NUFIP2: variants seen among roughly 807,000 people sequenced by gnomAD.
The protein encoded by NUFIP2 is nuclear FMR1 interacting protein 2.
In NUFIP2, 6 loss-of-function variants were observed where a neutral mutation model predicts 56.9. The observed-to-expected ratio is 0.11, with a 90% CI of 0.06 to 0.21. The LOEUF is 0.21. Among genes scored for constraint, NUFIP2 ranks in the 10% least tolerant of loss-of-function variants. NUFIP2 has a pLI of 1.00. For synonymous variants in NUFIP2, 321 were observed against 298.2 expected (o/e 1.08, Z -0.79); for missense variants, 828 against 826.8 (o/e 1.00, Z -0.02).
In NUFIP2 at chr17:29,259,857, T is replaced by C. The variant is rs1167193769; in HGVS notation, c.*4682A>G. The C allele has an allele frequency of 6.6e-6, 1 of 152,186 alleles. No homozygotes were observed. The allele number at this position is 152,186 out of a possible 1,614,324, so 9.4% of individuals were successfully genotyped here. On this transcript the variant is annotated 3_prime_UTR_variant, in exon 4 of 4. Transcript: ENST00000225388. ...CATCCTTTAACTACTTTAAGACCTT[T>C]CTTGAGCGGCAAAACAGTGTGAAAT...
intron 2 of NUFIP2, among the ~76,000 whole-genome samples, chr17:29,273,368 C>T (rs934024926): frequency 1.3e-5 from 2 of 151,778 alleles, no homozygotes; most frequent in East Asian, 1.9e-4. Flanking sequence ...AGACAGGTTC[C>T]GCCATGTTGG....
intron 2 of NUFIP2, among the ~76,000 whole-genome samples, chr17:29,273,293 C>CT (rs2069087408): frequency 6.6e-6 from 1 of 152,218 alleles, no homozygotes; most frequent in South Asian, 2.1e-4. Flanking sequence ...CCGCCTCGGC[C>CT]TCCCAAAGTG....
intron 1 of NUFIP2, among the ~76,000 whole-genome samples, chr17:29,288,155 T>C (rs1306523211): frequency 2.0e-5 from 3 of 152,266 alleles, no homozygotes; most frequent in African/African-American, 7.2e-5. Context: ...GCCATTCTCC[T>C]GCCTCAGCCT....
At chr17:29,282,218 G>GCCATGC (rs2069144638) in intron 2 of NUFIP2, among the ~76,000 whole-genome samples, 1 of 151,968 alleles carries the variant, frequency 6.6e-6, no homozygotes, top group Admixed American at 6.6e-5. Context: ...AGAAGCTGCC[G>GCCATGC]CCATGCACTT....
At chr17:29,269,476 T>C (rs887727081) in intron 2 of NUFIP2, among the ~76,000 whole-genome samples, 4 of 151,996 alleles carry the variant, frequency 2.6e-5, no homozygotes, top group Admixed American at 2.6e-4. Context: ...CCTACTCCCC[T>C]AGCAAAAATT....
In NUFIP2 at chr17:29,287,662, A is replaced by G; in HGVS notation, c.332T>C (p.Leu111Pro). 3 of 1,613,480 alleles carry G rather than the reference A, an allele frequency of 1.9e-6. No individual in the cohort carries two copies. Among genetic ancestry groups the G allele is most frequent in the Non-Finnish European group, 2.5e-6 (3 of 1,179,874 alleles). The change falls in exon 2 of 4, where the codon CTG (leucine) becomes CCG (proline). Residue 111 changes from leucine to proline, a missense_variant. This residue lies in a region of NUFIP2 where 415 missense variants were observed against 408.7 expected (regional missense o/e 1.02). Coordinates refer to ENST00000225388, the MANE Select transcript of NUFIP2 (RefSeq NM_020772.3). Reference protein sequence around the residue: ...AGEREISLKNLSSDEATNPIS... With the variant: ...AGEREISLKNPSSDEATNPIS... The stretch of plus-strand genomic sequence containing the variant: ...AGGGTTGGTGGCTTCATCAGAACTC[A>G]GGTTCTTTAAAGATATTTCTCTTTC...
rs1413919300 is a variant in NUFIP2, at chr17:29,256,659, C to T, written c.*7880G>A. 6.7e-6 allele frequency: 1 copy of T among 150,364 alleles called. No homozygotes were observed. The highest frequency in any genetic ancestry group is 2.4e-5 in the African/African-American group (1 of 40,848). 9.3% of individuals were successfully genotyped at this position (150,364 alleles called of 1,614,324 possible). ...TAGCCTCTCCTACAAAGGTCCTGAA[C>T]CAATTAAAAAAAAAAAAACTTTAAA... On this transcript the variant is annotated 3_prime_UTR_variant, in exon 4 of 4. Transcript: ENST00000225388.
intron 1 of NUFIP2, among the ~76,000 whole-genome samples, chr17:29,292,891 G>T (rs1342315231): frequency 1.4e-5 from 2 of 146,524 alleles, no homozygotes; most frequent in African/African-American, 4.9e-5. Context: ...CGGGGGGGGG[G>T]GCGGCCGCGG....
At position 29,293,930 on chromosome 17, in the gene NUFIP2, T is replaced by C; in HGVS notation, c.130A>G (p.Asn44Asp). The part of the protein sequence containing the change: ...HHYYFYNHSH[N>D]HHHHHHHQQP... The stretch of plus-strand genomic sequence containing the variant: ...TGGTGATGATGGTGGTGGTGGTGGT[T>C]GTGGCTGTGGTTGTAGAAATAATAA... Residue 44 changes from asparagine (N) to aspartate (D), a missense_variant, in exon 1 of 4, where the codon AAC becomes GAC. Asn to Asp is a conservative substitution (Grantham distance 23, BLOSUM62 1). Transcript: ENST00000225388. 1 of 1,613,242 alleles carries C rather than the reference T, an allele frequency of 6.2e-7. No individual in the cohort carries two copies.
At chr17:29,293,200 G>C (rs2069229221) in intron 1 of NUFIP2, among the ~76,000 whole-genome samples, 1 of 151,620 alleles carries the variant, frequency 6.6e-6, no homozygotes, top group Non-Finnish European at 1.5e-5. Context: ...GCGTTTAGTG[G>C]TGGAAATGAC....
chr17:29,278,105 C>A lies in NUFIP2; in HGVS notation c.2002+7887G>T, dbSNP rs556372222. Among the ~76,000 whole-genome samples the A allele has an allele frequency of 2.8e-3, 430 of 152,224 alleles. 3 individuals carry two copies. Among genetic ancestry groups the A allele is most frequent in the Middle Eastern group, 6.8e-3 (2 of 294 alleles). ...TAGAAGTCACCACCTTTTCAGTAGA[C>A]CCCTTAATGAACTCTTTTCTGAAGC... On this transcript the variant is annotated intron_variant, in intron 2 of 3. Coordinates refer to ENST00000225388, the MANE Select transcript of NUFIP2 (RefSeq NM_020772.3).
In NUFIP2 at chr17:29,261,801, GAC is replaced by G. The variant is rs2069004623; in HGVS notation, c.*2736_*2737del. ...ATTAACCTAATGCCCCCAAAATACT[GAC>G]AGTTAATATGATGGGGCACTAGGGT... On this transcript the variant is annotated 3_prime_UTR_variant, in exon 4 of 4. Coordinates refer to ENST00000225388, the MANE Select transcript of NUFIP2 (RefSeq NM_020772.3). 1.3e-5 allele frequency: 2 copies of G among 152,636 alleles called. No individual in the cohort carries two copies. The highest frequency in any genetic ancestry group is 4.8e-5 in the African/African-American group (2 of 41,522). The allele number at this position is 152,636 out of a possible 1,614,324, so 9.5% of individuals were successfully genotyped here.
rs1251173493 is a variant in NUFIP2, at chr17:29,263,472, A to C, written c.*1067T>G. The C allele has an allele frequency of 6.6e-6, 1 of 152,638 alleles. No individual in the cohort carries two copies. The highest frequency in any genetic ancestry group is 1.9e-4 in the East Asian group (1 of 5,204). 9.5% of individuals were successfully genotyped at this position (152,638 alleles called of 1,614,324 possible). ...ATCTTCTCACTGGCTAAAAACATGAAAAGTTTTAGTTTTCATGGACTTTTT... is the reference window on the plus strand; with the variant it reads ...ATCTTCTCACTGGCTAAAAACATGACAAGTTTTAGTTTTCATGGACTTTTT... On this transcript the variant is annotated 3_prime_UTR_variant, in exon 4 of 4. Coordinates refer to ENST00000225388, the MANE Select transcript of NUFIP2 (RefSeq NM_020772.3).
chr17:29,273,942 G>GA (rs200704210), intron 2 of NUFIP2, among the ~76,000 whole-genome samples: 45 of 148,766 alleles, frequency 3.0e-4, no homozygotes, highest in African/African-American at 5.2e-4. Context: ...CAAGTTGATT[G>GA]AAAAAAAAAT....
rs1305867687 is a variant in NUFIP2 at position 29,260,934 on chromosome 17, G to A, written c.*3605C>T. On this transcript the variant is annotated 3_prime_UTR_variant, in exon 4 of 4. Transcript: ENST00000225388. ...ATTGGCTATCCCCTCCTAGAAAGTA[G>A]AGGAGGAAGGGCTGGCTACCACAGA... The A allele has an allele frequency of 1.3e-5, 2 of 152,120 alleles. No individual in the cohort carries two copies. The highest frequency in any genetic ancestry group is 2.9e-5 in the Non-Finnish European group (2 of 68,008). 9.4% of individuals were successfully genotyped at this position (152,120 alleles called of 1,614,324 possible).
In NUFIP2 at chr17:29,261,302, G is replaced by A. The variant is rs907316686; in HGVS notation, c.*3237C>T. On this transcript the variant is annotated 3_prime_UTR_variant, in exon 4 of 4. Coordinates refer to ENST00000225388, the MANE Select transcript of NUFIP2 (RefSeq NM_020772.3). ...TTTTTTCTGTGTAATGAAAACAAAT[G>A]GCACAAAATAAATACAAGTTCATTC... 1.3e-5 allele frequency: 2 copies of A among 151,888 alleles called. No homozygotes were observed. Among genetic ancestry groups the A allele is most frequent in the African/African-American group, 4.8e-5 (2 of 41,374 alleles). The allele number at this position is 151,888 out of a possible 1,614,324, so 9.4% of individuals were successfully genotyped here. A position where few individuals can be genotyped will look rare whatever the true frequency, so the allele number is the denominator to read the frequency against.
At position 29,264,390 on chromosome 17, in the gene NUFIP2, T is replaced by C. The variant is rs2069021814; in HGVS notation, c.*149A>G. 3 of 230,732 alleles carry C rather than the reference T, an allele frequency of 1.3e-5. No homozygotes were observed. In the South Asian group the frequency reaches 4.3e-4, roughly 33 times the overall value. The allele number at this position is 230,732 out of a possible 1,614,324, so 14.3% of individuals were successfully genotyped here. On this transcript the variant is annotated 3_prime_UTR_variant, in exon 4 of 4. Coordinates refer to ENST00000225388, the MANE Select transcript of NUFIP2 (RefSeq NM_020772.3). ...TTTTAAATAACTATATATATATATA[T>C]GTATATATATATATTTGTATATATT...
chr17:29,277,618 T>C lies in NUFIP2; in HGVS notation c.2002+8374A>G, dbSNP rs116355478. On this transcript the variant is annotated intron_variant, in intron 2 of 3. Transcript: ENST00000225388. ...TGTTTTGCTATTCTGATTTCCTTTTTCTTAACCAGTCTGCCATACTTGTGC... is the reference window on the plus strand; with the variant it reads ...TGTTTTGCTATTCTGATTTCCTTTTCCTTAACCAGTCTGCCATACTTGTGC... Among the ~76,000 whole-genome samples, 864 of 152,334 alleles carry C rather than the reference T, an allele frequency of 5.7e-3. 5 individuals are homozygous for C. Among genetic ancestry groups the C allele is most frequent in the African/African-American group, 0.02 (824 of 41,586 alleles).
At position 29,293,806 on chromosome 17, in the gene NUFIP2, T is replaced by C. The variant is rs1436977030; in HGVS notation, c.254A>G (p.Gln85Arg). 1.6e-5 allele frequency: 24 copies of C among 1,520,236 alleles called. No homozygotes were observed. Among genetic ancestry groups the C allele is most frequent in the Non-Finnish European group, 2.0e-5 (22 of 1,121,098 alleles). The allele number at this position is 1,520,236 out of a possible 1,614,324, so 94.2% of individuals were successfully genotyped here. ...ACCTGTTTTCTTCTTCGGCGTTTCC[T>C]GGTGCTGCTGGAGGGTGTGTTTCTG... ...HEQKHTLQQH[Q>R]ETPKKKTGYG... The change falls in exon 1 of 4, where the codon CAG becomes CGG. Residue 85 changes from glutamine (Q) to arginine (R), a missense_variant. Gln to Arg is a conservative substitution (Grantham distance 43). This residue lies in a region of NUFIP2 where 415 missense variants were observed against 408.7 expected (regional missense o/e 1.02). Coordinates refer to ENST00000225388, the MANE Select transcript of NUFIP2 (RefSeq NM_020772.3).
Sources: allele counts gnomAD v4.1 joint callset (sites outside exome capture counted in the v4.1 genomes callset), GRCh38; gene constraint gnomAD v4.1.1; regional missense constraint gnomAD v4.1.1; transcripts MANE v1.5; gene names NCBI Gene and HGNC (gene_info 2026-07-23, HGNC 2026-07-21).